The following ZC3H18 variants were observed in gnomAD, a reference collection of about 807,000 sequenced individuals.
ZC3H18 encodes the protein zinc finger CCCH domain-containing protein 18.
ZC3H18 carries 8 observed loss-of-function variants against 106.1 expected under a neutral mutation model. The ratio of observed to expected loss-of-function variants is 0.08; its 90% CI spans 0.04 to 0.14. ZC3H18 has a LOEUF of 0.14. ZC3H18 is among the 10% of genes least tolerant of loss of function. The pLI is 1.00. For missense variants in ZC3H18, 1,318 were observed against 1,278.4 expected, an observed-to-expected ratio of 1.03 and a Z score of -0.47; for synonymous variants, 635 against 522.1, an observed-to-expected ratio of 1.22 and a Z score of -2.95.
chr16:88,595,889 A>T (rs1904411806), intron 3 of ZC3H18, among the ~76,000 whole-genome samples: 1 of 152,206 alleles, frequency 6.6e-6, no homozygotes, highest in South Asian at 2.1e-4. Context: ...CCCTTCCCAC[A>T]TTCCCGACAG....
chr16:88,577,067 C>CAA (rs368726515), intron 1 of ZC3H18, 43 bp from the exon 2 acceptor site: 1 of 1,499,354 alleles, frequency 6.7e-7, no homozygotes, highest in African/African-American at 1.4e-5. Flanking sequence ...GGTTTGTTTT[C>CAA]CATTTTGCTA....
chr16:88,611,565 T>C, intron 8 of ZC3H18, 29 bp downstream of exon 8: 1 of 1,545,262 alleles, frequency 6.5e-7, no homozygotes, highest in Non-Finnish European at 8.7e-7. Context: ...AGCCCAGGGG[T>C]GTGGGGGAGG....
At chr16:88,580,180 G>T (rs1328798630) in intron 2 of ZC3H18, among the ~76,000 whole-genome samples, 1 of 66,728 alleles carries the variant, frequency 1.5e-5, no homozygotes, top group African/African-American at 4.4e-5. Context: ...GTGTGTGTGT[G>T]TGTGTGTGTG....
Position 88,576,190 on chromosome 16 carries a change from C to G in ZC3H18, c.-14-920C>G, listed in dbSNP as rs181329555. On this transcript the variant is annotated intron_variant, in intron 1 of 17. Coordinates refer to ENST00000301011, the MANE Select transcript of ZC3H18 (RefSeq NM_144604.4). ...TGCTGGGATTACAGGTGTGAGCCAC[C>G]GCGCCTGGCCTGAATTTTAGTATTT... Among the ~76,000 whole-genome samples, 18 of 150,810 alleles carry G rather than the reference C, an allele frequency of 1.2e-4. No individual in the cohort carries two copies. The East Asian group carries it at 2.3e-3, about 20-fold the overall frequency.
intron 1 of ZC3H18, among the ~76,000 whole-genome samples, chr16:88,571,284 T>A (rs896397062): frequency 1.3e-5 from 2 of 152,206 alleles, no homozygotes; most frequent in Admixed American, 6.5e-5. Context: ...CAACGCTAAC[T>A]CATTTGCAAG....
intron 8 of ZC3H18, among the ~76,000 whole-genome samples, chr16:88,616,356 C>G (rs909628920): frequency 1.3e-5 from 2 of 152,278 alleles, no homozygotes; most frequent in Non-Finnish European, 2.9e-5. Context: ...TTCTTTCCTT[C>G]CTGAAGCACT....
chr16:88,598,748 A>G (rs1904587683), intron 5 of ZC3H18, 36 bp downstream of exon 5: 1 of 1,573,170 alleles, frequency 6.4e-7, no homozygotes, highest in Non-Finnish European at 8.7e-7. Flanking sequence ...GACAAGAAAG[A>G]TGCTATTACA....
chr16:88,622,386 C>T lies in ZC3H18; in HGVS notation c.1665C>T (p.Ser555=). 1 of 1,606,824 alleles carries T rather than the reference C, an allele frequency of 6.2e-7. No individual in the cohort carries two copies. Among genetic ancestry groups the T allele is most frequent in the Non-Finnish European group, 8.5e-7 (1 of 1,175,918 alleles). The change falls in exon 9 of 18, where the codon TCC becomes TCT. Residue 555 remains serine (S), a splice_region_variant and synonymous_variant. Transcript: ENST00000301011. ...CGTCAGCCTCTGCCTCTAATTCCTC[C>T]AGGTAAGGAGGGCTCGTGGGACGGC... is the stretch of plus-strand genomic sequence containing the variant. ...SASSASASNS[S]RSSSRSSSYS...
intron 8 of ZC3H18, among the ~76,000 whole-genome samples, chr16:88,615,055 C>T (rs1905501318): frequency 1.3e-5 from 2 of 150,504 alleles, no homozygotes; most frequent in African/African-American, 2.5e-5. Context: ...TCCGTTCCCT[C>T]TGCCTGGACG....
At chr16:88,629,433 A>C (rs934258100) in intron 16 of ZC3H18, among the ~76,000 whole-genome samples, 1 of 152,228 alleles carries the variant, frequency 6.6e-6, no homozygotes, top group Non-Finnish European at 1.5e-5. Context: ...CTGAGATTGC[A>C]CCATTGCACT....
intron 2 of ZC3H18, among the ~76,000 whole-genome samples, chr16:88,580,281 G>T (rs1915045399): frequency 6.6e-6 from 1 of 150,416 alleles, no homozygotes; most frequent in Non-Finnish European, 1.5e-5. Flanking sequence ...GGGCTACCTG[G>T]CTGGTTCCCC....
At chr16:88,575,924 G>A (rs1174542880) in intron 1 of ZC3H18, among the ~76,000 whole-genome samples, 2 of 151,942 alleles carry the variant, frequency 1.3e-5, no homozygotes, top group African/African-American at 2.4e-5. Context: ...GTTTTGAGAC[G>A]GAGTCTCACT....
At chr16:88,586,831 TGG>T in intron 3 of ZC3H18, 147 bp downstream of exon 3, 2 of 590,392 alleles carry the variant, frequency 3.4e-6, no homozygotes, top group Middle Eastern at 7.9e-4. Context: ...GTGGTGGTGG[TGG>T]TGGTGGCAAT....
At chr16:88,586,933 C>G (rs1915474431) in intron 3 of ZC3H18, among the ~76,000 whole-genome samples, 1 of 152,194 alleles carries the variant, frequency 6.6e-6, no homozygotes, top group African/African-American at 2.4e-5. Context: ...CTCATTCTCA[C>G]ACTGGTGGTC....
intron 3 of ZC3H18, among the ~76,000 whole-genome samples, chr16:88,593,912 C>T (rs1252174092): frequency 6.6e-6 from 1 of 152,162 alleles, no homozygotes; most frequent in Admixed American, 6.5e-5. Context: ...GGTAAAAGAC[C>T]CATTCAAAGT....
intron 2 of ZC3H18, among the ~76,000 whole-genome samples, chr16:88,580,248 A>T (rs553817919): frequency 6.7e-6 from 1 of 149,928 alleles, no homozygotes; most frequent in Admixed American, 6.6e-5. Context: ...CCCTATTCCC[A>T]AGAACATGTT....
At chr16:88,574,931 G>A (rs1050380846) in intron 1 of ZC3H18, among the ~76,000 whole-genome samples, 4 of 150,348 alleles carry the variant, frequency 2.7e-5, no homozygotes, top group Non-Finnish European at 3.0e-5. Flanking sequence ...CTGGGTTCAC[G>A]CCATTCTCCT....
In ZC3H18 at chr16:88,577,193, T is replaced by C. The variant is rs764534973; in HGVS notation, c.70T>C (p.Ser24Pro). Residue 24 changes from serine to proline, a missense_variant, in exon 2 of 18, where the codon TCG (serine) becomes CCG (proline). Coordinates refer to ENST00000301011, the MANE Select transcript of ZC3H18 (RefSeq NM_144604.4). ...PEDEEQPQGL[S>P]DDDILRDSGS... ...GGATGAAGAGCAGCCACAGGGACTC[T>C]CGGACGATGACATTCTGAGGGACAG... 1.8e-5 allele frequency: 29 copies of C among 1,610,674 alleles called. No homozygotes were observed. The highest frequency in any genetic ancestry group is 1.7e-6 in the Non-Finnish European group (2 of 1,178,138).
At chr16:88,572,988 AC>A (rs1395891333) in intron 1 of ZC3H18, among the ~76,000 whole-genome samples, 3 of 151,870 alleles carry the variant, frequency 2.0e-5, no homozygotes, top group African/African-American at 7.3e-5. Context: ...CGAACTCCCA[AC>A]CTCGTGATCC....
Sources: allele counts gnomAD v4.1 joint callset (sites outside exome capture counted in the v4.1 genomes callset), GRCh38; gene constraint gnomAD v4.1.1; transcripts MANE v1.5; gene names NCBI Gene and HGNC (gene_info 2026-07-23, HGNC 2026-07-21).